The following CAPG variants were observed in gnomAD, a reference collection of about 807,000 sequenced individuals.
CAPG encodes macrophage-capping protein.
CAPG carries 32 observed loss-of-function variants against 44.6 expected under a neutral mutation model. That is an observed-to-expected ratio of 0.72 (90% CI 0.54 to 0.96). The LOEUF (loss-of-function observed/expected upper bound fraction) is 0.96, where lower values mean the gene tolerates loss of function less well. Ranked by LOEUF, CAPG falls within the 50% of genes least tolerant of loss-of-function variation. CAPG has a pLI of 0.00. For synonymous variants in CAPG, 175 were observed against 179.6 expected (o/e 0.97, Z 0.20); for missense variants, 412 against 438.3 (o/e 0.94, Z 0.54).
In CAPG at chr2:85,398,678, TG is replaced by T. The variant is rs1558730693; in HGVS notation, c.759+11del. 1.9e-6 allele frequency: 3 copies of T among 1,590,750 alleles called. No homozygotes were observed. Among genetic ancestry groups the T allele is most frequent in the Non-Finnish European group, 2.6e-6 (3 of 1,167,980 alleles). ...CTGCTGCCGGGTCCCAGGGCAGGCT[TG>T]GGGGGCCCACCTTATACAGAGCTGC... On this transcript the variant is annotated intron_variant, in intron 7 of 9. Coordinates refer to ENST00000263867, the MANE Select transcript of CAPG (RefSeq NM_001747.4).
Position 85,395,743 on chromosome 2 carries a change from T to G in CAPG, c.893-117A>C. Reference sequence around the variant, plus strand: ...AAGAGCCAGCAATTTTTACAATAAATGGACCAGGGGTCCCAAGAATGCCGA... The same window carrying G: ...AAGAGCCAGCAATTTTTACAATAAAGGGACCAGGGGTCCCAAGAATGCCGA... On this transcript the variant is annotated intron_variant, in intron 8 of 9. Transcript: ENST00000263867. This position sits in a 1 kb window ranked among gnomAD's most constrained non-coding sequence, Gnocchi z 4.3. 1.5e-6 allele frequency: 1 copy of G among 689,654 alleles called. No homozygotes were observed. Among genetic ancestry groups the G allele is most frequent in the Non-Finnish European group, 2.5e-6 (1 of 393,346 alleles). 42.7% of individuals were successfully genotyped at this position (689,654 alleles called of 1,614,324 possible). A position where few individuals can be genotyped will look rare whatever the true frequency, so the allele number is the denominator to read the frequency against.
At position 85,398,187 on chromosome 2, in the gene CAPG, C is replaced by G. The variant is rs201981620; in HGVS notation, c.760-35G>C. On this transcript the variant is annotated intron_variant, in intron 7 of 9. Coordinates refer to ENST00000263867, the MANE Select transcript of CAPG (RefSeq NM_001747.4). ...AGGGACAGTGCCTGATCTCACCCCCCACACACCAGCCCTCACCTCAGCCTG... is the reference window on the plus strand; with the variant it reads ...AGGGACAGTGCCTGATCTCACCCCCGACACACCAGCCCTCACCTCAGCCTG... 7 of 1,605,938 alleles carry G rather than the reference C, an allele frequency of 4.4e-6. No homozygotes were observed. The Admixed American group carries it at 5.0e-5, about 12-fold the overall frequency.
intron 1 of CAPG, among the ~76,000 whole-genome samples, chr2:85,406,858 CA>C (rs1197970158): frequency 3.4e-4 from 46 of 135,608 alleles, no homozygotes; most frequent in South Asian, 2.4e-4. Context: ...AACTCCGTCT[CA>C]AAAAAAAAAA....
At chr2:85,407,103 G>A (rs1012888315) in intron 1 of CAPG, among the ~76,000 whole-genome samples, 1 of 151,830 alleles carries the variant, frequency 6.6e-6, no homozygotes, top group Non-Finnish European at 1.5e-5. Flanking sequence ...CTAATTTTTT[G>A]TACTTTTAGT....
At chr2:85,418,650 A>ATG (rs1553428724), upstream of CAPG, 1 of 143,812 alleles carries the variant, frequency 7.0e-6, no homozygotes, top group Non-Finnish European at 1.5e-5. Context: ...ACACACACAC[A>ATG]CGCGCGCGCG....
At chr2:85,397,953 C>A in intron 8 of CAPG, 67 bp downstream of exon 8, 1 of 1,536,400 alleles carries the variant, frequency 6.5e-7, no homozygotes. Context: ...CTGAGTCCTG[C>A]AAAGGGAAGC....
At chr2:85,393,529 G>GAGAAGACA (rs1325173248), downstream of CAPG, among the ~76,000 whole-genome samples, 2 of 152,004 alleles carry the variant, frequency 1.3e-5, no homozygotes, top group East Asian at 3.9e-4. Flanking sequence ...GAAGTCTATG[G>GAGAAGACA]AGAAGACATG....
chr2:85,400,191 G>C (rs930059863), intron 5 of CAPG, among the ~76,000 whole-genome samples: 3 of 152,172 alleles, frequency 2.0e-5, no homozygotes, highest in African/African-American at 7.2e-5. Context: ...AACAGAGCCC[G>C]GCATGGATTT....
intron 8 of CAPG, among the ~76,000 whole-genome samples, chr2:85,396,619 A>G (rs1490642954): frequency 6.6e-6 from 1 of 151,400 alleles, no homozygotes; most frequent in Admixed American, 6.6e-5. Flanking sequence ...TTCTCTTTCC[A>G]TAGTTGTTGG....
At chr2:85,419,534 G>A (rs766042123), upstream of CAPG, among the ~76,000 whole-genome samples, 6 of 152,196 alleles carry the variant, frequency 3.9e-5, no homozygotes, top group Non-Finnish European at 7.3e-5. Flanking sequence ...CTTCTCAGCT[G>A]ATTTCTGGCT....
intron 5 of CAPG, among the ~76,000 whole-genome samples, chr2:85,400,272 G>A (rs141466127): frequency 1.3e-5 from 2 of 152,272 alleles, no homozygotes; most frequent in East Asian, 1.9e-4. Flanking sequence ...CTCCTTGAGC[G>A]CAGCATCTCA....
chr2:85,398,747 G>C lies in CAPG; in HGVS notation c.702C>G (p.Asn234Lys). The change falls in exon 7 of 10, where the codon AAC (asparagine) becomes AAG (lysine). Residue 234 changes from asparagine to lysine, a missense_variant. Asn to Lys is a moderately conservative substitution (Grantham distance 94). Coordinates refer to ENST00000263867, the MANE Select transcript of CAPG (RefSeq NM_001747.4). ...LGPKPALKEG[N>K]PEEDLTADKA... ...TGTCAGCTGTGAGGTCTTCCTCAGG[G>C]TTGCCCTCCTTCAGAGCAGGCTTGG... 6.2e-7 allele frequency: 1 copy of C among 1,607,908 alleles called. No individual in the cohort carries two copies.
At chr2:85,416,220 A>G (rs1455479254) in intron 1 of CAPG, among the ~76,000 whole-genome samples, 2 of 152,170 alleles carry the variant, frequency 1.3e-5, no homozygotes, top group African/African-American at 4.8e-5. Flanking sequence ...TTCTGTGCCC[A>G]TAAACTCGGG....
At chr2:85,399,070 C>A in intron 6 of CAPG, 66 bp downstream of exon 6, 1 of 1,549,958 alleles carries the variant, frequency 6.5e-7, no homozygotes, top group Non-Finnish European at 8.9e-7. Flanking sequence ...GCCCTCAGCT[C>A]ATCACCACCT....
chr2:85,410,002 G>A (rs138483090), intron 1 of CAPG, among the ~76,000 whole-genome samples: 5 of 152,218 alleles, frequency 3.3e-5, no homozygotes, highest in Admixed American at 3.3e-4. Flanking sequence ...CCGTCAGGAG[G>A]TCTGGCACAG....
At position 85,398,797 on chromosome 2, in the gene CAPG, G is replaced by T; in HGVS notation, c.667-15C>A. On this transcript the variant is annotated splice_polypyrimidine_tract_variant and intron_variant, in intron 6 of 9. Transcript: ENST00000263867. ...GGGCCCAGGACCTGCAGGGGCCAGG[G>T]CAGGCCAGGTTTATAGGGACCCCTG... 6.3e-7 allele frequency: 1 copy of T among 1,581,564 alleles called. No homozygotes were observed. Among genetic ancestry groups the T allele is most frequent in the Admixed American group, 1.8e-5 (1 of 55,490 alleles).
chr2:85,399,081 C>T (rs1226528346), intron 6 of CAPG, 55 bp downstream of exon 6: 25 of 1,593,760 alleles, frequency 1.6e-5, no homozygotes, highest in Non-Finnish European at 2.1e-5. Context: ...ATCACCACCT[C>T]TCTTGGCCAC....
upstream of CAPG, among the ~76,000 whole-genome samples, chr2:85,412,826 C>T (rs556872028): frequency 2.0e-5 from 3 of 152,292 alleles, no homozygotes; most frequent in African/African-American, 7.2e-5. Flanking sequence ...TCCTTACTAG[C>T]TGTGCAAGTG....
At chr2:85,409,415 C>T (rs190862477) in intron 1 of CAPG, among the ~76,000 whole-genome samples, 2 of 152,276 alleles carry the variant, frequency 1.3e-5, no homozygotes, top group East Asian at 3.9e-4. Flanking sequence ...CACCGTTACA[C>T]ACACCTTTAA....
Sources: allele counts gnomAD v4.1 joint callset (sites outside exome capture counted in the v4.1 genomes callset), GRCh38; gene constraint gnomAD v4.1.1; non-coding constraint Gnocchi (gnomAD v3.1); transcripts MANE v1.5; gene names NCBI Gene and HGNC (gene_info 2026-07-23, HGNC 2026-07-21).